Variants in BNIP2 observed in about 807,000 individuals in gnomAD.
BNIP2 encodes the protein BCL2 interacting protein 2.
In BNIP2, 36 loss-of-function variants were observed where a neutral mutation model predicts 43.4. That is an observed-to-expected ratio of 0.83 (90% CI 0.64 to 1.10). The LOEUF (loss-of-function observed/expected upper bound fraction) is 1.10. Among genes scored for constraint, BNIP2 ranks in the 50% least tolerant of loss-of-function variants. BNIP2 has a pLI of 0.00. For missense variants in BNIP2, 417 were observed against 374.1 expected (o/e 1.11, Z -0.95); for synonymous variants, 146 against 121.0 (o/e 1.21, Z -1.35).
At chr15:59,677,675 A>C (rs1893392723) in intron 5 of BNIP2, 1 of 1,186,418 alleles carries the variant, frequency 8.4e-7, no homozygotes, top group Non-Finnish European at 1.1e-6. Flanking sequence ...AACTGACATC[A>C]GATGTCTTGA....
Position 59,671,179 on chromosome 15 carries a change from T to A in BNIP2, c.707+4A>T, listed in dbSNP as rs375203496. The A allele has an allele frequency of 1.9e-5, 30 of 1,589,184 alleles. No individual in the cohort carries two copies. Among genetic ancestry groups the A allele is most frequent in the Non-Finnish European group, 2.4e-5 (28 of 1,166,542 alleles). ...GACTAGCTTTCAACTTGTATTTGTA[T>A]TACCTTCTATCAATTTGCTGATAAC... On this transcript the variant is annotated splice_donor_region_variant and intron_variant, in intron 7 of 9. Coordinates refer to ENST00000607373, the MANE Select transcript of BNIP2 (RefSeq NM_004330.4).
In BNIP2 at chr15:59,659,540, C is replaced by T. The variant is rs1260472859; in HGVS notation, c.*4529G>A. ...GGCTGTGCAAGTCAGTGGCCCTGAA[C>T]ATCATCAATATTTACTAGCTAGGTT... On this transcript the variant is annotated 3_prime_UTR_variant, in exon 10 of 10. Coordinates refer to ENST00000607373, the MANE Select transcript of BNIP2 (RefSeq NM_004330.4). 6.6e-6 allele frequency: 1 copy of T among 152,188 alleles called. No individual in the cohort carries two copies. Among genetic ancestry groups the T allele is most frequent in the African/African-American group, 2.4e-5 (1 of 41,444 alleles). 9.4% of individuals were successfully genotyped at this position (152,188 alleles called of 1,614,324 possible).
At position 59,679,654 on chromosome 15, in the gene BNIP2, C is replaced by G. The variant is rs1595702709; in HGVS notation, c.233G>C (p.Gly78Ala). ...SVLSDDLDES[G>A]EIDLDGLDTP... ...GTCTAAGCCATCTAAGTCAATCTCC[C>G]CACTTTCATCCAAATCATCTGACAA... The change falls in exon 4 of 10, where the codon GGG becomes GCG. Residue 78 changes from glycine (G) to alanine (A), a missense_variant. Coordinates refer to ENST00000607373, the MANE Select transcript of BNIP2 (RefSeq NM_004330.4). The G allele has an allele frequency of 1.2e-6, 2 of 1,613,076 alleles. No homozygotes were observed. The highest frequency in any genetic ancestry group is 4.5e-5 in the East Asian group (2 of 44,766).
Position 59,660,877 on chromosome 15 carries a change from G to T in BNIP2, c.*3192C>A, listed in dbSNP as rs1357010867. On this transcript the variant is annotated 3_prime_UTR_variant, in exon 10 of 10. Transcript: ENST00000607373. ...CTGCTCGAACTTGCTTCTGTATGAA[G>T]AGACAAAGAAAGAGAAAATATGAAT... 6.6e-6 allele frequency: 1 copy of T among 152,186 alleles called. No homozygotes were observed. The highest frequency in any genetic ancestry group is 1.5e-5 in the Non-Finnish European group (1 of 68,030). 9.4% of individuals were successfully genotyped at this position (152,186 alleles called of 1,614,324 possible). A position where few individuals can be genotyped will look rare whatever the true frequency, so the allele number is the denominator to read the frequency against.
At position 59,669,370 on chromosome 15, in the gene BNIP2, T is replaced by A; in HGVS notation, c.708-8A>T. 1 of 1,475,502 alleles carries A rather than the reference T, an allele frequency of 6.8e-7. No individual in the cohort carries two copies. The highest frequency in any genetic ancestry group is 9.1e-7 in the Non-Finnish European group (1 of 1,104,024). 91.4% of individuals were successfully genotyped at this position (1,475,502 alleles called of 1,614,324 possible). On this transcript the variant is annotated splice_region_variant and splice_polypyrimidine_tract_variant and intron_variant, in intron 7 of 9. Transcript: ENST00000607373. ...TTTAGATTTTTCCGTAACCTGGAGT[T>A]TAAAAAAAAAACACACACACACAAA... is the stretch of plus-strand genomic sequence containing the variant.
chr15:59,681,596 G>C (rs1220660454), intron 2 of BNIP2, among the ~76,000 whole-genome samples: 1 of 151,982 alleles, frequency 6.6e-6, no homozygotes, highest in Non-Finnish European at 1.5e-5. Flanking sequence ...CTACAGGCGA[G>C]CGCCAAGCCT....
chr15:59,682,402 G>C lies in BNIP2; in HGVS notation c.50+6C>G. 6.2e-7 allele frequency: 1 copy of C among 1,606,414 alleles called. No individual in the cohort carries two copies. The highest frequency in any genetic ancestry group is 8.5e-7 in the Non-Finnish European group (1 of 1,176,688). On this transcript the variant is annotated splice_donor_region_variant and intron_variant, in intron 2 of 9. Coordinates refer to ENST00000607373, the MANE Select transcript of BNIP2 (RefSeq NM_004330.4). ...AAAATTGTTTTCTTTTAAAAGCATT[G>C]CTCACATCGGAAAATCTTCATCTTG...
At chr15:59,672,209 C>G (rs180857055) in intron 6 of BNIP2, 1 of 153,732 alleles carries the variant, frequency 6.5e-6, no homozygotes, top group Admixed American at 6.5e-5. Flanking sequence ...AGTCCTGTAT[C>G]TAGTAACAAA....
Position 59,682,509 on chromosome 15 carries a change from A to G in BNIP2, c.-52T>C. 1 of 1,611,474 alleles carries G rather than the reference A, an allele frequency of 6.2e-7. No individual in the cohort carries two copies. Among genetic ancestry groups the G allele is most frequent in the Non-Finnish European group, 8.5e-7 (1 of 1,178,992 alleles). The stretch of plus-strand genomic sequence containing the variant: ...CAAACTCTTGATAATCCAGGGAGCC[A>G]ATGTCCTATGAAGAGAGAAAAATGT... On this transcript the variant is annotated 5_prime_UTR_variant, in exon 2 of 10. Coordinates refer to ENST00000607373, the MANE Select transcript of BNIP2 (RefSeq NM_004330.4).
intron 5 of BNIP2, chr15:59,676,790 G>C (rs1384514548): frequency 2.0e-6 from 3 of 1,510,530 alleles, no homozygotes; most frequent in Middle Eastern, 1.7e-4. Flanking sequence ...GGATATCTGC[G>C]GTGGCCGCCT....
chr15:59,688,969 G>C (rs879548053), intron 1 of BNIP2, 166 bp downstream of exon 1: 9 of 1,441,392 alleles, frequency 6.2e-6, no homozygotes, highest in African/African-American at 1.4e-5. Context: ...CGGGGATCCA[G>C]GAAGCACCTC....
chr15:59,671,737 C>T (rs2141996932), intron 6 of BNIP2, among the ~76,000 whole-genome samples: 1 of 152,248 alleles, frequency 6.6e-6, no homozygotes, highest in Admixed American at 6.5e-5. Context: ...ATTATATTGG[C>T]CTTCTAGGGG....
At position 59,668,282 on chromosome 15, in the gene BNIP2, C is replaced by T. The variant is rs376962997; in HGVS notation, c.893+610G>A. ...ACATGATGTAGAAAGTAAAAATTTA[C>T]TTAATAAATCTGACTTTCATACATT... On this transcript the variant is annotated intron_variant, in intron 9 of 9. Coordinates refer to ENST00000607373, the MANE Select transcript of BNIP2 (RefSeq NM_004330.4). 20 of 399,360 alleles carry T rather than the reference C, an allele frequency of 5.0e-5. No homozygotes were observed. In the East Asian group the frequency reaches 8.6e-4, roughly 17 times the overall value. 24.7% of individuals were successfully genotyped at this position (399,360 alleles called of 1,614,324 possible). A position where few individuals can be genotyped will look rare whatever the true frequency, so the allele number is the denominator to read the frequency against.
intron 9 of BNIP2, among the ~76,000 whole-genome samples, chr15:59,666,467 G>C (rs1474787987): frequency 1.3e-5 from 2 of 152,194 alleles, no homozygotes; most frequent in African/African-American, 4.8e-5. Flanking sequence ...AGGAGTTCGA[G>C]ACCATCCTGG....
At chr15:59,667,151 T>C (rs1892616291) in intron 9 of BNIP2, among the ~76,000 whole-genome samples, 1 of 152,226 alleles carries the variant, frequency 6.6e-6, no homozygotes, top group Admixed American at 6.5e-5. Flanking sequence ...AAAGTGTTGG[T>C]TAAACTGTGA....
chr15:59,687,276 TCAC>T (rs1239372495), intron 1 of BNIP2, among the ~76,000 whole-genome samples: 5 of 152,072 alleles, frequency 3.3e-5, no homozygotes, highest in African/African-American at 4.8e-5. Flanking sequence ...AATATTACTA[TCAC>T]CACATTATAC....
At chr15:59,686,736 G>A (rs1894038453) in intron 1 of BNIP2, among the ~76,000 whole-genome samples, 1 of 152,164 alleles carries the variant, frequency 6.6e-6, no homozygotes, top group Admixed American at 6.5e-5. Flanking sequence ...GTTAACACAA[G>A]CCGGGCATGG....
intron 5 of BNIP2, among the ~76,000 whole-genome samples, chr15:59,674,509 C>T (rs1388239617): frequency 6.6e-6 from 1 of 152,278 alleles, no homozygotes; most frequent in Middle Eastern, 3.4e-3. Flanking sequence ...GCAGATTACG[C>T]CATTTTCTTC....
In BNIP2 at chr15:59,660,738, GT is replaced by G. The variant is rs1335458621; in HGVS notation, c.*3330del. The G allele has an allele frequency of 6.6e-6, 1 of 152,082 alleles. No homozygotes were observed. Among genetic ancestry groups the G allele is most frequent in the African/African-American group, 2.4e-5 (1 of 41,404 alleles). 9.4% of individuals were successfully genotyped at this position (152,082 alleles called of 1,614,324 possible). A position where few individuals can be genotyped will look rare whatever the true frequency, so the allele number is the denominator to read the frequency against. On this transcript the variant is annotated 3_prime_UTR_variant, in exon 10 of 10. Transcript: ENST00000607373. ...AGTATTCAGTGCACTTACTAGTGAT[GT>G]CCATTTTGGAAGACTAAATCAATGT...
Sources: gnomAD v4.1 joint callset for allele counts (sites outside exome capture counted in the v4.1 genomes callset) on GRCh38, gnomAD v4.1.1 for gene constraint, MANE v1.5 for transcripts, NCBI Gene and HGNC (gene_info 2026-07-23, HGNC 2026-07-21) for gene names.